FAM81A: variants seen among roughly 807,000 people sequenced by gnomAD.
The protein encoded by FAM81A is protein FAM81A.
A neutral mutation model predicts 46.7 loss-of-function variants in FAM81A; 19 were observed. The observed-to-expected ratio is 0.41, with a 90% CI of 0.28 to 0.60. The LOEUF is 0.60. Among genes scored for constraint, FAM81A ranks in the 20% least tolerant of loss-of-function variants. The pLI is 0.34. For synonymous variants in FAM81A, 183 were observed against 152.9 expected (o/e 1.20, Z -1.45); for missense variants, 377 against 453.5 (o/e 0.83, Z 1.53).
intron 2 of FAM81A, among the ~76,000 whole-genome samples, chr15:59,411,295 G>A (rs1000970337): frequency 6.6e-6 from 1 of 152,044 alleles, no homozygotes; most frequent in Admixed American, 6.6e-5. Context: ...TTCTATGTAC[G>A]GTTGCTGGGA....
At chr15:59,407,440 AC>A (rs1321853818) in intron 2 of FAM81A, among the ~76,000 whole-genome samples, 1 of 151,486 alleles carries the variant, frequency 6.6e-6, no homozygotes, top group Admixed American at 6.6e-5. Flanking sequence ...GACTACAGGC[AC>A]CCGCCACCAC....
At chr15:59,413,738 A>C (rs2081133021) in intron 2 of FAM81A, among the ~76,000 whole-genome samples, 1 of 152,060 alleles carries the variant, frequency 6.6e-6, no homozygotes. Context: ...TGGGCAGCAT[A>C]GTGAGACCCC....
At chr15:59,472,981 A>C (rs2081716574) in intron 3 of FAM81A, among the ~76,000 whole-genome samples, 1 of 152,176 alleles carries the variant, frequency 6.6e-6, no homozygotes, top group South Asian at 2.1e-4. Flanking sequence ...CCCTAAGTTG[A>C]CAACTGTACA....
intron 1 of FAM81A, among the ~76,000 whole-genome samples, chr15:59,450,248 A>G (rs1359573097): frequency 6.6e-6 from 1 of 151,684 alleles, no homozygotes; most frequent in Non-Finnish European, 1.5e-5. Flanking sequence ...ATTTATTTTC[A>G]ATACTATTTG....
chr15:59,454,545 A>C (rs2081459302), intron 1 of FAM81A, among the ~76,000 whole-genome samples: 1 of 152,192 alleles, frequency 6.6e-6, no homozygotes, highest in Non-Finnish European at 1.5e-5. Flanking sequence ...ATTTTGATTT[A>C]GATAATAGCA....
chr15:59,409,633 C>T (rs1233007200), intron 2 of FAM81A, among the ~76,000 whole-genome samples: 2 of 152,134 alleles, frequency 1.3e-5, no homozygotes, highest in Non-Finnish European at 2.9e-5. Context: ...AGCCAGTTTT[C>T]GATTTTCTTT....
rs567474828 is a variant in FAM81A, at chr15:59,441,938, G to A, written c.-78+3656G>A. Among the ~76,000 whole-genome samples the A allele has an allele frequency of 7.9e-5, 12 of 152,288 alleles. No homozygotes were observed. The East Asian group carries it at 1.5e-3, about 20-fold the overall frequency. On this transcript the variant is annotated intron_variant, in intron 1 of 8. Coordinates refer to ENST00000288228, the MANE Select transcript of FAM81A (RefSeq NM_152450.3). ...GCACTTTCCCCGCGCCTCACTGGGC[G>A]CCCTCGCCCACTTGTACTACTTCCT...
At position 59,506,320 on chromosome 15, in the gene FAM81A, T is replaced by C. The variant is rs144541145; in HGVS notation, c.414-893T>C. ...AAGATGAAGAAGTCATAGGCATGGA[T>C]TGAAGGAGAGTTGGTGCAGTAGCAG... On this transcript the variant is annotated intron_variant, in intron 4 of 8. Coordinates refer to ENST00000288228, the MANE Select transcript of FAM81A (RefSeq NM_152450.3). Among the ~76,000 whole-genome samples, 73 of 152,096 alleles carry C rather than the reference T, an allele frequency of 4.8e-4. 1 individual carries two copies. The East Asian group carries it at 0.014, about 29-fold the overall frequency.
chr15:59,432,735 A>C (rs1263872482), intron 2 of FAM81A, among the ~76,000 whole-genome samples: 1 of 152,238 alleles, frequency 6.6e-6, no homozygotes, highest in African/African-American at 2.4e-5. Context: ...AACATTGGCT[A>C]TGATTGCAAC....
At chr15:59,405,932 A>C (rs1280515431) in intron 2 of FAM81A, among the ~76,000 whole-genome samples, 7 of 152,214 alleles carry the variant, frequency 4.6e-5, no homozygotes, top group Non-Finnish European at 1.0e-4. Flanking sequence ...AGTCTGGAAC[A>C]GTCAGTCACC....
chr15:59,492,993 G>A (rs2081997229), intron 4 of FAM81A, among the ~76,000 whole-genome samples: 1 of 152,164 alleles, frequency 6.6e-6, no homozygotes, highest in Non-Finnish European at 1.5e-5. Context: ...ACTGTACCAG[G>A]ACTGTGTCTA....
At chr15:59,421,869 CTCTATCTATCTATCTA>C (rs59527837) in intron 2 of FAM81A, among the ~76,000 whole-genome samples, 25,943 of 146,986 alleles carry the variant, frequency 0.18, 2,573 homozygotes, top group African/African-American at 0.25. Context: ...ACCCTCAACC[CTCTATCTATCTATCTA>C]TCTATCTATC....
At chr15:59,487,601 G>A (rs1382320571) in intron 3 of FAM81A, among the ~76,000 whole-genome samples, 2 of 151,870 alleles carry the variant, frequency 1.3e-5, no homozygotes, top group African/African-American at 2.4e-5. Context: ...GAAATTCAAA[G>A]GATCATTAGA....
At chr15:59,505,438 G>C (rs1170520070) in intron 4 of FAM81A, among the ~76,000 whole-genome samples, 3 of 151,876 alleles carry the variant, frequency 2.0e-5, no homozygotes, top group Non-Finnish European at 4.4e-5. Flanking sequence ...CTTGAACCCA[G>C]GAGGCAGAGG....
Position 59,460,113 on chromosome 15 carries a change from CAA to C in FAM81A, c.203_204del (p.Lys68ArgfsTer4). On this transcript the variant is annotated frameshift_variant, in exon 3 of 9. Coordinates refer to ENST00000288228, the MANE Select transcript of FAM81A (RefSeq NM_152450.3). LOFTEE classifies it high-confidence loss of function. This position sits in a 1 kb window ranked among gnomAD's most constrained non-coding sequence, Gnocchi z 4.4. Reference sequence around the variant, plus strand: ...TCAACAGTTTGCAGAAAATGCAAAACAAAGGGGGAGGTGACCGCTTGGCCAGG... The same window carrying C: ...TCAACAGTTTGCAGAAAATGCAAAACAGGGGGAGGTGACCGCTTGGCCAGG... ...IVNSLQKMQN[K>X]GGGDRLARLF... The C allele has an allele frequency of 6.2e-7, 1 of 1,613,944 alleles. No homozygotes were observed. Among genetic ancestry groups the C allele is most frequent in the South Asian group, 1.1e-5 (1 of 91,070 alleles).
At chr15:59,417,404 A>T (rs1313497264) in intron 2 of FAM81A, among the ~76,000 whole-genome samples, 1 of 151,864 alleles carries the variant, frequency 6.6e-6, no homozygotes, top group African/African-American at 2.4e-5. Flanking sequence ...AAACAAACAA[A>T]CAAAAAAACA....
At chr15:59,419,887 AAAAC>A (rs1332705572) in intron 2 of FAM81A, among the ~76,000 whole-genome samples, 5 of 152,304 alleles carry the variant, frequency 3.3e-5, no homozygotes, top group African/African-American at 4.8e-5. Context: ...AAAAAACAAA[AAAAC>A]AAACAAAGAA....
chr15:59,479,637 CA>C (rs201424058), intron 3 of FAM81A, among the ~76,000 whole-genome samples: 2,951 of 151,360 alleles, frequency 0.019, 44 homozygotes, highest in Middle Eastern at 0.044. Context: ...AGGAGACACC[CA>C]GGGGGATCAC....
At chr15:59,453,561 A>T (rs2141621497) in intron 1 of FAM81A, among the ~76,000 whole-genome samples, 1 of 152,336 alleles carries the variant, frequency 6.6e-6, no homozygotes, top group East Asian at 1.9e-4. Context: ...AGCCTTTCTT[A>T]TCCTACCACC....
Sources: allele counts gnomAD v4.1 joint callset (sites outside exome capture counted in the v4.1 genomes callset), GRCh38; gene constraint gnomAD v4.1.1; non-coding constraint Gnocchi (gnomAD v3.1); transcripts MANE v1.5; gene names NCBI Gene and HGNC (gene_info 2026-07-23, HGNC 2026-07-21).